The following TMEM132D variants were observed in gnomAD, a reference collection of about 807,000 sequenced individuals.
TMEM132D encodes the protein transmembrane protein 132D.
Under a neutral mutation model 62.3 loss-of-function variants are expected in TMEM132D, and 21 were observed. The ratio of observed to expected loss-of-function variants is 0.34; its 90% CI spans 0.24 to 0.49. The LOEUF (loss-of-function observed/expected upper bound fraction) is 0.49, where lower values mean the gene tolerates loss of function less well. TMEM132D is among the 20% of genes least tolerant of loss of function. TMEM132D has a pLI of 0.99. For missense variants in TMEM132D, 1,346 were observed against 1,402.8 expected (o/e 0.96, Z 0.65); for synonymous variants, 621 against 575.6 (o/e 1.08, Z -1.13).
At position 129,217,932 on chromosome 12, in the gene TMEM132D, G is replaced by T. The variant is rs143957860; in HGVS notation, c.1300-8269C>A. Among the ~76,000 whole-genome samples, 148 of 152,228 alleles carry T rather than the reference G, an allele frequency of 9.7e-4. 5 individuals carry two copies. The East Asian group carries it at 0.024, about 25-fold the overall frequency. On this transcript the variant is annotated intron_variant, in intron 4 of 8. Transcript: ENST00000422113. Reference sequence around the variant, plus strand: ...TTTGGGAAGCTATCACTTCTCCTGTGCATGAAGCTTGGTGGGGGCACAATA... The same window carrying T: ...TTTGGGAAGCTATCACTTCTCCTGTTCATGAAGCTTGGTGGGGGCACAATA...
intron 5 of TMEM132D, among the ~76,000 whole-genome samples, chr12:129,204,160 C>T (rs1878782126): frequency 6.6e-6 from 1 of 152,180 alleles, no homozygotes; most frequent in Admixed American, 6.5e-5. Flanking sequence ...ACTAGTTCCC[C>T]AGCAAGGGTT....
At chr12:129,135,054 T>A (rs1265971865) in intron 5 of TMEM132D, among the ~76,000 whole-genome samples, 1 of 152,144 alleles carries the variant, frequency 6.6e-6, no homozygotes, top group Non-Finnish European at 1.5e-5. Flanking sequence ...TCAATGGAAT[T>A]GCGTGTGGTC....
chr12:129,171,808 C>T (rs746548005), intron 5 of TMEM132D, among the ~76,000 whole-genome samples: 18 of 152,188 alleles, frequency 1.2e-4, no homozygotes, highest in Admixed American at 9.2e-4. Context: ...CAAACAGATA[C>T]GCTGCGATAC....
chr12:129,700,545 C>T lies in TMEM132D; in HGVS notation c.233G>A (p.Arg78Gln), dbSNP rs757474690. 6 of 1,614,048 alleles carry T rather than the reference C, an allele frequency of 3.7e-6. No individual in the cohort carries two copies. The highest frequency in any genetic ancestry group is 3.3e-5 in the South Asian group (3 of 91,066). Residue 78 changes from arginine to glutamine, a missense_variant, in exon 2 of 9, where the codon CGG becomes CAG. Arg to Gln is a conservative substitution (Grantham distance 43). Coordinates refer to ENST00000422113, the MANE Select transcript of TMEM132D (RefSeq NM_133448.3). Reference sequence around the variant, plus strand: ...TTTGTAAATCAGAAATGACTCCACCCGGGACTGCAGGCTGGAGTTCCTCAT... The same window carrying T: ...TTTGTAAATCAGAAATGACTCCACCTGGGACTGCAGGCTGGAGTTCCTCAT... Reference protein sequence around the residue: ...DIMRNSSLQSRVESFLIYKSR... With the variant: ...DIMRNSSLQSQVESFLIYKSR...
At chr12:129,230,245 C>G (rs540424538) in intron 4 of TMEM132D, among the ~76,000 whole-genome samples, 2 of 150,242 alleles carry the variant, frequency 1.3e-5, no homozygotes, top group Non-Finnish European at 2.9e-5. Context: ...CCTTCCTCAG[C>G]TCCTTCTGTG....
chr12:129,636,735 T>TGAGAGA (rs1345382936), intron 2 of TMEM132D, among the ~76,000 whole-genome samples: 6 of 91,360 alleles, frequency 6.6e-5, no homozygotes, highest in African/African-American at 2.4e-4. Context: ...TGTGTGTGTG[T>TGAGAGA]GTGAGAGAGA....
intron 4 of TMEM132D, among the ~76,000 whole-genome samples, chr12:129,316,576 T>C (rs61943933): frequency 0.037 from 5,672 of 152,280 alleles, 173 homozygotes; most frequent in Non-Finnish European, 0.052. Flanking sequence ...GATATGTCTA[T>C]CTTGGAGAAA....
chr12:129,089,531 G>A lies in TMEM132D; in HGVS notation c.1444-4829C>T, dbSNP rs1309386689. Among the ~76,000 whole-genome samples, 2 of 144,686 alleles carry A rather than the reference G, an allele frequency of 1.4e-5. 1 individual carries two copies. The highest frequency in any genetic ancestry group is 5.6e-5 in the African/African-American group (2 of 35,720). 94.9% of individuals were successfully genotyped at this position (144,686 alleles called of 152,430 possible). A position where few individuals can be genotyped will look rare whatever the true frequency, so the allele number is the denominator to read the frequency against. ...TATGACCGGGTGTCCTCCATGACCG[G>A]GTGTCCTCCATGACCGGGTGTCCTC... On this transcript the variant is annotated intron_variant, in intron 5 of 8. Coordinates refer to ENST00000422113, the MANE Select transcript of TMEM132D (RefSeq NM_133448.3).
At chr12:129,341,981 G>A (rs1008594524) in intron 3 of TMEM132D, among the ~76,000 whole-genome samples, 3 of 152,256 alleles carry the variant, frequency 2.0e-5, no homozygotes, top group Non-Finnish European at 4.4e-5. Context: ...AATCAATATC[G>A]TGAAAATGGC....
In TMEM132D at chr12:129,074,862, C is replaced by A. The variant is rs577207277; in HGVS notation, c.2313G>T (p.Met771Ile). ...EGQGTLVKVE[M>I]VISESCQKSK... ...ATTTCTGGCAGGATTCACTAATAACCATTTCCACCTTGACCAGGGTGCCTT... is the reference window on the plus strand; with the variant it reads ...ATTTCTGGCAGGATTCACTAATAACAATTTCCACCTTGACCAGGGTGCCTT... Residue 771 changes from methionine to isoleucine, a missense_variant, in exon 9 of 9, where the codon ATG (methionine) becomes ATT (isoleucine). Coordinates refer to ENST00000422113, the MANE Select transcript of TMEM132D (RefSeq NM_133448.3). 1.2e-6 allele frequency: 2 copies of A among 1,614,036 alleles called. No homozygotes were observed. Among genetic ancestry groups the A allele is most frequent in the African/African-American group, 1.3e-5 (1 of 74,986 alleles).
intron 3 of TMEM132D, among the ~76,000 whole-genome samples, chr12:129,476,442 T>A (rs2137050417): frequency 6.6e-6 from 1 of 152,304 alleles, no homozygotes; most frequent in Admixed American, 6.5e-5. Context: ...CCCAACAGGC[T>A]TATCTCTGTC....
intron 2 of TMEM132D, among the ~76,000 whole-genome samples, chr12:129,619,318 T>C (rs777275447): frequency 9.5e-4 from 145 of 152,298 alleles, no homozygotes; most frequent in Non-Finnish European, 1.0e-3. Flanking sequence ...TCGATCTGCA[T>C]CCCTGTTGAA....
intron 3 of TMEM132D, among the ~76,000 whole-genome samples, chr12:129,347,902 GA>G (rs1306335116): frequency 1.3e-5 from 2 of 152,292 alleles, no homozygotes; most frequent in South Asian, 4.1e-4. Flanking sequence ...CAAAGGATAT[GA>G]AGAGACACTT....
At chr12:129,490,586 C>A (rs1478651662) in intron 3 of TMEM132D, among the ~76,000 whole-genome samples, 1 of 140,448 alleles carries the variant, frequency 7.1e-6, no homozygotes, top group Non-Finnish European at 1.5e-5. Flanking sequence ...CCGCCCACCA[C>A]GCCCGGCTAA....
intron 2 of TMEM132D, among the ~76,000 whole-genome samples, chr12:129,571,008 G>A (rs1377730509): frequency 6.6e-6 from 1 of 152,202 alleles, no homozygotes; most frequent in African/African-American, 2.4e-5. Context: ...CAAGGAAGGG[G>A]GAGGGGCTGA....
At chr12:129,628,869 C>T (rs966748586) in intron 2 of TMEM132D, among the ~76,000 whole-genome samples, 3 of 152,008 alleles carry the variant, frequency 2.0e-5, no homozygotes, top group African/African-American at 7.3e-5. Context: ...GTTTCCTGTC[C>T]TTCTCCTACT....
At chr12:129,839,477 A>G (rs964854637) in intron 1 of TMEM132D, among the ~76,000 whole-genome samples, 16 of 150,706 alleles carry the variant, frequency 1.1e-4, no homozygotes, top group Non-Finnish European at 1.9e-4. Context: ...TGGCCAGGCT[A>G]GTCTTGAACT....
At chr12:129,323,919 T>A (rs1235092489) in intron 4 of TMEM132D, among the ~76,000 whole-genome samples, 1 of 152,046 alleles carries the variant, frequency 6.6e-6, no homozygotes, top group African/African-American at 2.4e-5. Context: ...TTTATTTTTT[T>A]TTTTTGAAGG....
intron 1 of TMEM132D, among the ~76,000 whole-genome samples, chr12:129,717,959 G>A: frequency 6.6e-6 from 1 of 152,124 alleles, no homozygotes; most frequent in Non-Finnish European, 1.5e-5. Context: ...GCACTGGCCT[G>A]GATACAAGGA....
Sources: allele counts gnomAD v4.1 joint callset (sites outside exome capture counted in the v4.1 genomes callset), GRCh38; gene constraint gnomAD v4.1.1; transcripts MANE v1.5; gene names NCBI Gene and HGNC (gene_info 2026-07-23, HGNC 2026-07-21).